FGF14: variants seen among roughly 807,000 people sequenced by gnomAD.
FGF14 encodes fibroblast growth factor homologous factor 4.
A neutral mutation model predicts 25.5 loss-of-function variants in FGF14; 5 were observed. The observed-to-expected ratio is 0.20, with a 90% CI of 0.10 to 0.41. The LOEUF (loss-of-function observed/expected upper bound fraction) is 0.41, where lower values mean the gene tolerates loss of function less well. FGF14 is among the 10% of genes least tolerant of loss of function. FGF14 has a pLI of 1.00. For synonymous variants in FGF14, 138 were observed against 118.3 expected, an observed-to-expected ratio of 1.17 and a Z score of -1.08; for missense variants, 222 against 320.1, an observed-to-expected ratio of 0.69 and a Z score of 2.34.
chr13:102,271,947 G>C (rs1537932), intron 1 of FGF14, among the ~76,000 whole-genome samples: 119,390 of 152,082 alleles, frequency 0.79, 47,625 homozygotes, highest in African/African-American at 0.93. Flanking sequence ...CTATTCTCTA[G>C]TGAGGACTCA....
chr13:102,322,088 T>G (rs1221108558), intron 1 of FGF14, among the ~76,000 whole-genome samples: 1 of 152,168 alleles, frequency 6.6e-6, no homozygotes, highest in Non-Finnish European at 1.5e-5. Flanking sequence ...CAGCATTCAC[T>G]GTAATGAAAA....
chr13:101,903,765 G>A (rs117295488), intron 1 of FGF14, among the ~76,000 whole-genome samples: 3,920 of 152,298 alleles, frequency 0.026, 75 homozygotes, highest in Non-Finnish European at 0.036. Context: ...CTAAAGAAAG[G>A]GGGTAAGGCA....
At chr13:102,192,394 C>T (rs537474065) in intron 1 of FGF14, among the ~76,000 whole-genome samples, 4 of 152,284 alleles carry the variant, frequency 2.6e-5, no homozygotes, top group East Asian at 3.9e-4. Context: ...GTCATTACCA[C>T]GATCTCTTTA....
At chr13:101,727,391 G>T (rs1348837993) in intron 3 of FGF14, among the ~76,000 whole-genome samples, 1 of 152,120 alleles carries the variant, frequency 6.6e-6, no homozygotes, top group East Asian at 1.9e-4. Context: ...ATGTTAGCTG[G>T]TCATAGTGAC....
chr13:102,287,955 G>A (rs940544685), intron 1 of FGF14, among the ~76,000 whole-genome samples: 2 of 152,176 alleles, frequency 1.3e-5, no homozygotes, highest in African/African-American at 4.8e-5. Context: ...AGAATCTTTT[G>A]AAGCCACACA....
chr13:102,048,490 G>T (rs1292716407), intron 1 of FGF14, among the ~76,000 whole-genome samples: 1 of 152,096 alleles, frequency 6.6e-6, no homozygotes, highest in Non-Finnish European at 1.5e-5. Flanking sequence ...TTCCATCTTA[G>T]AGTCGGAGTC....
intron 1 of FGF14, among the ~76,000 whole-genome samples, chr13:101,968,173 T>G (rs970872221): frequency 6.6e-5 from 10 of 152,184 alleles, no homozygotes; most frequent in African/African-American, 2.2e-4. Context: ...AGTAGATAAA[T>G]CTTGTCTAAG....
At chr13:102,271,990 T>C (rs2053269292) in intron 1 of FGF14, among the ~76,000 whole-genome samples, 1 of 152,112 alleles carries the variant, frequency 6.6e-6, no homozygotes, top group African/African-American at 2.4e-5. Flanking sequence ...ATGTGATCTG[T>C]CTCTCCTCTG....
upstream of FGF14, among the ~76,000 whole-genome samples, chr13:101,920,179 G>A (rs1404362846): frequency 6.6e-6 from 1 of 152,136 alleles, no homozygotes; most frequent in Non-Finnish European, 1.5e-5. Flanking sequence ...ACCAATTCAG[G>A]GCCGGTGAAC....
intron 1 of FGF14, among the ~76,000 whole-genome samples, chr13:102,214,253 C>T (rs1223715441): frequency 6.6e-6 from 1 of 152,198 alleles, no homozygotes; most frequent in Non-Finnish European, 1.5e-5. Flanking sequence ...CTTCCTTTGC[C>T]ATTAATTACT....
intron 1 of FGF14, among the ~76,000 whole-genome samples, chr13:101,878,860 T>A (rs2045543356): frequency 6.6e-6 from 1 of 152,122 alleles, no homozygotes; most frequent in Admixed American, 6.5e-5. Flanking sequence ...ATACATGTAA[T>A]ATGTAAAAAA....
At chr13:101,772,249 A>C (rs766439667) in intron 3 of FGF14, among the ~76,000 whole-genome samples, 2 of 152,144 alleles carry the variant, frequency 1.3e-5, no homozygotes, top group Non-Finnish European at 2.9e-5. Flanking sequence ...GAAAAGTGCC[A>C]GAATTTTCTA....
chr13:101,933,726 A>AAAAC lies in FGF14; in HGVS notation c.209-58434_209-58431dup, dbSNP rs949855546. Among the ~76,000 whole-genome samples, 22 of 152,338 alleles carry AAAAC rather than the reference A, an allele frequency of 1.4e-4. No homozygotes were observed. In the East Asian group the frequency reaches 2.1e-3, roughly 15 times the overall value. ...ACAACAGAGTGAGACTCTATCTCAA[A>AAAAC]AAACAAACAAACAAACAAACAAAAA... On this transcript the variant is annotated intron_variant, in intron 1 of 4. Coordinates refer to the FGF14 transcript ENST00000376131.
chr13:102,133,496 A>C (rs531122956), intron 1 of FGF14, among the ~76,000 whole-genome samples: 15 of 152,360 alleles, frequency 9.8e-5, no homozygotes, highest in African/African-American at 2.9e-4. Flanking sequence ...AGAAGACTAA[A>C]TATATGGTAA....
At chr13:102,191,626 T>A (rs1010623653) in intron 1 of FGF14, among the ~76,000 whole-genome samples, 2 of 152,184 alleles carry the variant, frequency 1.3e-5, no homozygotes, top group Non-Finnish European at 2.9e-5. Flanking sequence ...ATTCAGTTCA[T>A]ACATTCTGCC....
chr13:102,217,887 G>A (rs1455613240), intron 1 of FGF14, among the ~76,000 whole-genome samples: 3 of 152,114 alleles, frequency 2.0e-5, no homozygotes, highest in Non-Finnish European at 4.4e-5. Flanking sequence ...CCGGAACACT[G>A]GTGGCTGGGT....
At chr13:102,060,180 C>G (rs2042617199) in intron 1 of FGF14, among the ~76,000 whole-genome samples, 1 of 151,882 alleles carries the variant, frequency 6.6e-6, no homozygotes, top group Non-Finnish European at 1.5e-5. Flanking sequence ...ATCCCAAATC[C>G]TAAACATTTC....
intron 1 of FGF14, among the ~76,000 whole-genome samples, chr13:102,203,412 C>G (rs1173149918): frequency 6.6e-6 from 1 of 152,146 alleles, no homozygotes; most frequent in Non-Finnish European, 1.5e-5. Context: ...AACTATAGAA[C>G]TATTGCCTCT....
At chr13:101,963,997 A>T (rs2037030936) in intron 1 of FGF14, among the ~76,000 whole-genome samples, 1 of 152,256 alleles carries the variant, frequency 6.6e-6, no homozygotes, top group Non-Finnish European at 1.5e-5. Flanking sequence ...TAAATGCTGA[A>T]GTGGTTTTCA....
Sources: gnomAD v4.1 joint callset for allele counts (sites outside exome capture counted in the v4.1 genomes callset) on GRCh38, gnomAD v4.1.1 for gene constraint, MANE v1.5 for transcripts, NCBI Gene and HGNC (gene_info 2026-07-23, HGNC 2026-07-21) for gene names.